The following CTNND2 variants were observed in gnomAD, a reference collection of about 807,000 sequenced individuals.
CTNND2 encodes catenin delta 2.
CTNND2 carries 22 observed loss-of-function variants against 144.4 expected under a neutral mutation model. The observed-to-expected ratio is 0.15, with a 90% confidence interval of 0.11 to 0.22. The LOEUF (loss-of-function observed/expected upper bound fraction) is 0.22, where lower values mean the gene tolerates loss of function less well. CTNND2 is among the 10% of genes least tolerant of loss of function. CTNND2 has a pLI of 1.00. For synonymous variants in CTNND2, 751 were observed against 695.6 expected, an observed-to-expected ratio of 1.08 and a Z score of -1.25; for missense variants, 1,353 against 1,618.8, an observed-to-expected ratio of 0.84 and a Z score of 2.82.
intron 3 of CTNND2, among the ~76,000 whole-genome samples, chr5:11,443,062 C>T (rs1764418604): frequency 6.6e-6 from 1 of 150,598 alleles, no homozygotes; most frequent in Non-Finnish European, 1.5e-5. Flanking sequence ...TCAACCAAAC[C>T]CACTGATATG....
chr5:11,722,236 G>A (rs1259677635), intron 2 of CTNND2, among the ~76,000 whole-genome samples: 1 of 152,164 alleles, frequency 6.6e-6, no homozygotes, highest in Non-Finnish European at 1.5e-5. Flanking sequence ...ACATGAGCCA[G>A]GGACAAGAAT....
chr5:11,114,304 C>T (rs995433098), intron 13 of CTNND2, among the ~76,000 whole-genome samples: 4 of 151,634 alleles, frequency 2.6e-5, no homozygotes, highest in African/African-American at 9.7e-5. Flanking sequence ...GGGAAAAATG[C>T]TTTATAATCG....
At chr5:11,346,048 A>G (rs1201386706) in intron 9 of CTNND2, among the ~76,000 whole-genome samples, 1 of 152,196 alleles carries the variant, frequency 6.6e-6, no homozygotes, top group African/African-American at 2.4e-5. Context: ...GTAGGCCATG[A>G]TATCTGAAGT....
At chr5:11,625,159 T>G (rs1404439909) in intron 2 of CTNND2, among the ~76,000 whole-genome samples, 3 of 152,130 alleles carry the variant, frequency 2.0e-5, no homozygotes, top group African/African-American at 7.2e-5. Context: ...TGAATCAGTG[T>G]ACCTTTTGTT....
chr5:11,471,285 A>G (rs1220353854), intron 3 of CTNND2, among the ~76,000 whole-genome samples: 1 of 151,974 alleles, frequency 6.6e-6, no homozygotes, highest in East Asian at 1.9e-4. Flanking sequence ...CCCAAAGTCT[A>G]TAATTTTAAT....
chr5:11,128,941 T>TATATATA (rs1405503106), intron 12 of CTNND2, among the ~76,000 whole-genome samples: 1 of 38,550 alleles, frequency 2.6e-5, no homozygotes, highest in Non-Finnish European at 5.2e-5. Context: ...ATATATATAT[T>TATATATA]ATATATAATA....
chr5:11,464,777 T>C (rs368394211), intron 3 of CTNND2, among the ~76,000 whole-genome samples: 17 of 152,158 alleles, frequency 1.1e-4, no homozygotes, highest in African/African-American at 3.9e-4. Context: ...AGATTGGCTA[T>C]TGGGTAGAAT....
chr5:11,103,004 C>CA (rs1428546946), intron 14 of CTNND2, among the ~76,000 whole-genome samples: 5 of 83,528 alleles, frequency 6.0e-5, no homozygotes, highest in Admixed American at 1.8e-4. Flanking sequence ...TTTTTTGAGA[C>CA]AGAGTCTCAC....
chr5:11,057,784 G>A (rs894519065), intron 16 of CTNND2, among the ~76,000 whole-genome samples: 6 of 152,290 alleles, frequency 3.9e-5, no homozygotes, highest in Non-Finnish European at 7.4e-5. Context: ...GAGACTTGTT[G>A]AATGTTTTTG....
chr5:11,037,315 C>G (rs530068569), intron 16 of CTNND2, among the ~76,000 whole-genome samples: 32 of 152,138 alleles, frequency 2.1e-4, no homozygotes, highest in Admixed American at 1.2e-3. Flanking sequence ...TTTTGTCACA[C>G]GATCCTAAAT....
At chr5:11,272,400 A>G (rs1350786975) in intron 9 of CTNND2, among the ~76,000 whole-genome samples, 1 of 152,210 alleles carries the variant, frequency 6.6e-6, no homozygotes, top group South Asian at 2.1e-4. Flanking sequence ...ATTTTAGGAA[A>G]GATAAATGTT....
At chr5:11,756,068 T>C (rs949335754) in intron 1 of CTNND2, among the ~76,000 whole-genome samples, 1 of 151,664 alleles carries the variant, frequency 6.6e-6, no homozygotes, top group Non-Finnish European at 1.5e-5. Context: ...CTGAGTAAGC[T>C]AGTGTTCCTT....
intron 1 of CTNND2, among the ~76,000 whole-genome samples, chr5:11,852,307 G>GA (rs1251902487): frequency 1.1e-4 from 17 of 150,846 alleles, no homozygotes; most frequent in Admixed American, 2.6e-4. Flanking sequence ...CTTAAATTTA[G>GA]AAAAAAAAAT....
At chr5:11,763,763 T>C (rs1789412848) in intron 1 of CTNND2, among the ~76,000 whole-genome samples, 1 of 152,138 alleles carries the variant, frequency 6.6e-6, no homozygotes, top group African/African-American at 2.4e-5. Flanking sequence ...CTTCAATGAG[T>C]ACAGTGGAAA....
chr5:11,438,456 C>T (rs61755476), intron 3 of CTNND2, among the ~76,000 whole-genome samples: 4 of 152,092 alleles, frequency 2.6e-5, no homozygotes, highest in African/African-American at 9.7e-5. Flanking sequence ...ATGAACTACA[C>T]GTGGTGTTGA....
intron 20 of CTNND2, chr5:10,986,552 A>T: frequency 2.2e-6 from 1 of 450,048 alleles, no homozygotes; most frequent in Non-Finnish European, 4.5e-6. Context: ...GACTCCAGGG[A>T]CTCAGAATTC....
At chr5:11,880,245 T>C (rs895863125) in intron 1 of CTNND2, among the ~76,000 whole-genome samples, 5 of 152,138 alleles carry the variant, frequency 3.3e-5, no homozygotes, top group African/African-American at 7.2e-5. Flanking sequence ...TTTCAGGGTC[T>C]GCCAAGTTAG....
chr5:11,851,499 C>A (rs1795012960), intron 1 of CTNND2, among the ~76,000 whole-genome samples: 1 of 152,192 alleles, frequency 6.6e-6, no homozygotes, highest in Non-Finnish European at 1.5e-5. Context: ...CTGAGGGGAA[C>A]TGGTCTCACC....
In CTNND2 at chr5:11,064,525, T is replaced by C. The variant is rs12652762; in HGVS notation, c.2788+18171A>G. On this transcript the variant is annotated intron_variant, in intron 16 of 21. Transcript: ENST00000304623. ...AGATGTGCCTTCGAGATAGAGAACA[T>C]TCCATGCGCTCCCTCCCCTCCTTCT... 1.9e-3 allele frequency among the ~76,000 whole-genome samples: 287 copies of C among 151,960 alleles called. 6 individuals carry two copies. The East Asian group carries it at 0.048, about 26-fold the overall frequency.
Sources: allele counts gnomAD v4.1 joint callset (sites outside exome capture counted in the v4.1 genomes callset), GRCh38; gene constraint gnomAD v4.1.1; transcripts MANE v1.5; gene names NCBI Gene and HGNC (gene_info 2026-07-23, HGNC 2026-07-21).